The following GLI2 variants were observed in gnomAD, a reference collection of about 807,000 sequenced individuals.
GLI2 encodes the protein transcription activator GLI2.
GLI2 carries 22 observed loss-of-function variants against 78.9 expected under a neutral mutation model. That is an observed-to-expected ratio of 0.28 (90% CI 0.20 to 0.40). GLI2 has a LOEUF of 0.40. Among genes scored for constraint, GLI2 ranks in the 10% least tolerant of loss-of-function variants. GLI2 has a pLI of 1.00. For synonymous variants in GLI2, 974 were observed against 963.7 expected, an observed-to-expected ratio of 1.01 and a Z score of -0.20; for missense variants, 2,097 against 2,213.2, an observed-to-expected ratio of 0.95 and a Z score of 1.05.
intron 2 of GLI2, among the ~76,000 whole-genome samples, chr2:120,910,223 C>T (rs1328757170): frequency 6.6e-6 from 1 of 152,210 alleles, no homozygotes; most frequent in Non-Finnish European, 1.5e-5. Flanking sequence ...CGTTTGGGGC[C>T]TCCCGGTGGT....
intron 2 of GLI2, among the ~76,000 whole-genome samples, chr2:120,824,562 C>T (rs1342380404): frequency 6.6e-6 from 1 of 152,216 alleles, no homozygotes; most frequent in Non-Finnish European, 1.5e-5. Flanking sequence ...TAGCCACTGC[C>T]CCCTGCTCCA....
At chr2:120,904,037 G>A (rs900162789) in intron 2 of GLI2, among the ~76,000 whole-genome samples, 1 of 152,062 alleles carries the variant, frequency 6.6e-6, no homozygotes, top group Non-Finnish European at 1.5e-5. Flanking sequence ...TCCAAGGGTG[G>A]GGAGGAGGCT....
chr2:120,864,567 G>A (rs1688041869), intron 2 of GLI2, among the ~76,000 whole-genome samples: 1 of 152,090 alleles, frequency 6.6e-6, no homozygotes, highest in African/African-American at 2.4e-5. Flanking sequence ...CGCCTCCCAG[G>A]TTCACACCAT....
rs1046054343 is a variant in GLI2, at chr2:120,991,183, C to G, written c.*508C>G. 1 of 157,958 alleles carries G rather than the reference C, an allele frequency of 6.3e-6. No individual in the cohort carries two copies. Among genetic ancestry groups the G allele is most frequent in the Non-Finnish European group, 1.4e-5 (1 of 71,372 alleles). The allele number at this position is 157,958 out of a possible 1,614,324, so 9.8% of individuals were successfully genotyped here. A position where few individuals can be genotyped will look rare whatever the true frequency, so the allele number is the denominator to read the frequency against. ...CTCTATGAAGCCTAACTCTTGAGGT[C>G]TCTAACATACCTTGTCATAGAGGAA... On this transcript the variant is annotated 3_prime_UTR_variant, in exon 14 of 14. Coordinates refer to ENST00000361492, the MANE Select transcript of GLI2 (RefSeq NM_001374353.1).
At chr2:120,782,107 C>T (rs1243213840) in intron 1 of GLI2, among the ~76,000 whole-genome samples, 2 of 152,226 alleles carry the variant, frequency 1.3e-5, no homozygotes, top group Non-Finnish European at 2.9e-5. Flanking sequence ...AGGCACAGTA[C>T]TGTCCCGTTG....
intron 1 of GLI2, among the ~76,000 whole-genome samples, chr2:120,781,474 C>A (rs72969959): frequency 0.036 from 5,538 of 152,300 alleles, 302 homozygotes; most frequent in African/African-American, 0.12. Context: ...TTTTTCCTAC[C>A]CTCTTTCGCT....
chr2:120,874,348 TATACTA>T (rs922809975), intron 2 of GLI2, among the ~76,000 whole-genome samples: 9 of 152,248 alleles, frequency 5.9e-5, no homozygotes, highest in African/African-American at 2.2e-4. Flanking sequence ...GGAAAAAAGT[TATACTA>T]ATAATCAAAA....
At chr2:120,802,583 C>T (rs1277528277) in intron 2 of GLI2, among the ~76,000 whole-genome samples, 2 of 152,196 alleles carry the variant, frequency 1.3e-5, no homozygotes, top group Non-Finnish European at 2.9e-5. Context: ...GTTGTATTTT[C>T]CTCCTCCACT....
At position 120,806,839 on chromosome 2, in the gene GLI2, G is replaced by A. The variant is rs945831013; in HGVS notation, c.148+9371G>A. On this transcript the variant is annotated intron_variant, in intron 2 of 13. Coordinates refer to ENST00000361492, the MANE Select transcript of GLI2 (RefSeq NM_001374353.1). ...TGAAGCTCTGTGTGGACACCAGAGGGGGATAGGAAGTGGGGGAAGATGCAT... is the reference window on the plus strand; with the variant it reads ...TGAAGCTCTGTGTGGACACCAGAGGAGGATAGGAAGTGGGGGAAGATGCAT... Among the ~76,000 whole-genome samples, 6 of 152,228 alleles carry A rather than the reference G, an allele frequency of 3.9e-5. No homozygotes were observed. In the East Asian group the frequency reaches 5.8e-4, roughly 15 times the overall value.
rs148862497 is a variant in GLI2 at position 120,796,276 on chromosome 2, C to T, written c.-30-1015C>T. ...TGGTCTGTTGGCTCTGCCTTCAAAC[C>T]ATGTCCATGTTTCACCAGCTCCACC... is the stretch of plus-strand genomic sequence containing the variant. On this transcript the variant is annotated intron_variant, in intron 1 of 13. Transcript: ENST00000361492. Among the ~76,000 whole-genome samples, 72 of 152,230 alleles carry T rather than the reference C, an allele frequency of 4.7e-4. 1 individual carries two copies. The East Asian group carries it at 0.014, about 29-fold the overall frequency.
At chr2:120,790,686 C>G (rs934138078) in intron 1 of GLI2, among the ~76,000 whole-genome samples, 6 of 152,196 alleles carry the variant, frequency 3.9e-5, no homozygotes, top group African/African-American at 1.4e-4. Context: ...TCCTGGAGCT[C>G]CTTGTTGGTG....
rs2592595 is a variant in GLI2 at position 120,968,871 on chromosome 2, G to C, written c.801G>C (p.Ser267=). 80 of 1,612,326 alleles carry C rather than the reference G, an allele frequency of 5.0e-5. No homozygotes were observed. The highest frequency in any genetic ancestry group is 6.3e-5 in the Non-Finnish European group (74 of 1,178,804). Residue 267 remains serine, a synonymous_variant, in exon 6 of 14, where the codon TCG becomes TCC. Coordinates refer to ENST00000361492, the MANE Select transcript of GLI2 (RefSeq NM_001374353.1). ...VAYINNSRSS[S]AASGSYGHLS... is the part of the protein sequence containing the mutation. The stretch of plus-strand genomic sequence containing the variant: ...ACATCAACAACTCCCGAAGCAGCTC[G>C]GCGGCCAGCGGTTCCTACGGGCATC...
At chr2:120,788,500 G>A (rs1447045618) in intron 1 of GLI2, among the ~76,000 whole-genome samples, 1 of 152,208 alleles carries the variant, frequency 6.6e-6, no homozygotes, top group East Asian at 1.9e-4. Context: ...CTCAAAGTAG[G>A]TCTTACCCAC....
rs116704111 is a variant in GLI2, at chr2:120,865,135, G to A, written c.149-62226G>A. On this transcript the variant is annotated intron_variant, in intron 2 of 13. Transcript: ENST00000361492. ...GGTAGTATCCGGGGCTGGGGAGCCCGAGCCAGGAGGGCTGACTAAACGTGG... is the reference window on the plus strand; with the variant it reads ...GGTAGTATCCGGGGCTGGGGAGCCCAAGCCAGGAGGGCTGACTAAACGTGG... 7.6e-3 allele frequency among the ~76,000 whole-genome samples: 1,160 copies of A among 152,288 alleles called. 11 individuals carry two copies. Among genetic ancestry groups the A allele is most frequent in the Non-Finnish European group, 0.012 (812 of 68,024 alleles).
intron 2 of GLI2, among the ~76,000 whole-genome samples, chr2:120,805,645 C>T (rs979707561): frequency 3.9e-5 from 6 of 152,242 alleles, no homozygotes; most frequent in African/African-American, 1.4e-4. Flanking sequence ...ATTACTTGGA[C>T]TGGAAACCAA....
At chr2:120,916,991 C>T (rs1679133427) in intron 2 of GLI2, among the ~76,000 whole-genome samples, 1 of 152,048 alleles carries the variant, frequency 6.6e-6, no homozygotes, top group Non-Finnish European at 1.5e-5. Flanking sequence ...GGGGATTGGG[C>T]CTGGGATCTC....
chr2:120,921,715 AG>A (rs1679389626), intron 2 of GLI2, among the ~76,000 whole-genome samples: 1 of 152,022 alleles, frequency 6.6e-6, no homozygotes, highest in Non-Finnish European at 1.5e-5. Context: ...CATTTCCAAA[AG>A]TTGTATCAGA....
intron 1 of GLI2, among the ~76,000 whole-genome samples, chr2:120,768,421 A>C (rs1683430360): frequency 6.6e-6 from 1 of 152,178 alleles, no homozygotes; most frequent in Non-Finnish European, 1.5e-5. Context: ...GCAGGTGAGA[A>C]ACTGTTTTCT....
At chr2:120,971,762 C>T (rs1375698086) in intron 7 of GLI2, among the ~76,000 whole-genome samples, 179 bp from the exon 8 acceptor site, 1 of 152,206 alleles carries the variant, frequency 6.6e-6, no homozygotes, top group Non-Finnish European at 1.5e-5. Context: ...TGGGTGCTCT[C>T]CTGTAGCAGG....
Sources: gnomAD v4.1 joint callset for allele counts (sites outside exome capture counted in the v4.1 genomes callset) on GRCh38, gnomAD v4.1.1 for gene constraint, MANE v1.5 for transcripts, NCBI Gene and HGNC (gene_info 2026-07-23, HGNC 2026-07-21) for gene names.